ADAM29: variants seen among roughly 807,000 people sequenced by gnomAD.
The protein encoded by ADAM29 is disintegrin and metalloproteinase domain-containing protein 29.
For synonymous variants in ADAM29, 367 were observed against 342.3 expected, an observed-to-expected ratio of 1.07 and a Z score of -0.80; for missense variants, 969 against 1,001.8, an observed-to-expected ratio of 0.97 and a Z score of 0.44.
intron 4 of ADAM29, among the ~76,000 whole-genome samples, chr4:174,950,979 G>A (rs1745140886): frequency 6.6e-6 from 1 of 152,016 alleles, no homozygotes; most frequent in South Asian, 2.1e-4. Context: ...AGTTTCCTGA[G>A]GCCTCCCAGC....
At position 174,977,696 on chromosome 4, in the gene ADAM29, G is replaced by T. The variant is rs150256322; in HGVS notation, c.2171G>T (p.Arg724Leu). Residue 724 changes from arginine (R) to leucine (L), a missense_variant, in exon 5 of 5, where the codon CGA (arginine) becomes CTA (leucine). Transcript: ENST00000359240. ...SAKEEEKIQR[R>L]PHELPPQSQP... is the part of the protein sequence containing the mutation. Reference sequence around the variant, plus strand: ...AAAGAAGAGGAAAAAATTCAGCGTCGACCTCATGAGTTACCTCCCCAGAGT... The same window carrying T: ...AAAGAAGAGGAAAAAATTCAGCGTCTACCTCATGAGTTACCTCCCCAGAGT... 1 of 1,614,190 alleles carries T rather than the reference G, an allele frequency of 6.2e-7. No homozygotes were observed. The highest frequency in any genetic ancestry group is 1.1e-5 in the South Asian group (1 of 91,078).
chr4:174,942,351 T>C (rs1744586537), intron 4 of ADAM29, among the ~76,000 whole-genome samples: 1 of 152,210 alleles, frequency 6.6e-6, no homozygotes, highest in Admixed American at 6.5e-5. Flanking sequence ...ATAGAGGTTC[T>C]CCATGCAGGC....
In ADAM29 at chr4:174,963,226, G is replaced by T. The variant is rs908521208; in HGVS notation, c.-180-12120G>T. Among the ~76,000 whole-genome samples the T allele has an allele frequency of 3.3e-5, 5 of 151,948 alleles. No individual in the cohort carries two copies. In the South Asian group the frequency reaches 1.0e-3, roughly 32 times the overall value. ...AAATGGATGGCTAACAGGGTGAGGG[G>T]GACAAATCTGGACTGTAAGAAAGTT... On this transcript the variant is annotated intron_variant, in intron 4 of 4. Transcript: ENST00000359240.
At position 174,973,128 on chromosome 4, in the gene ADAM29, T is replaced by TG. The variant is rs200027892; in HGVS notation, c.-180-2211dup. Among the ~76,000 whole-genome samples the TG allele has an allele frequency of 3.7e-3, 561 of 152,236 alleles. 4 individuals are homozygous for TG. The highest frequency in any genetic ancestry group is 0.017 in the Middle Eastern group (5 of 294). On this transcript the variant is annotated intron_variant, in intron 4 of 4. Coordinates refer to ENST00000359240, the MANE Select transcript of ADAM29 (RefSeq NM_014269.4). ...TACTGTATGCCAAGAAGTTGGGTTA[T>TG]GGGGGGGCAGGGTCTGTGGCATCCA...
rs757009032 is a variant in ADAM29, at chr4:174,976,994, G to A, written c.1469G>A (p.Arg490Lys). ...GAAGATGGAATTCCCTGTAAGGAGA[G>A]GGGCTACTGCTATGAAAAGAGCTGT... is the stretch of plus-strand genomic sequence containing the variant. ...YVEDGIPCKE[R>K]GYCYEKSCHD... Residue 490 changes from arginine (R) to lysine (K), a missense_variant, in exon 5 of 5, where the codon AGG becomes AAG. Arg to Lys is a conservative substitution (Grantham distance 26, BLOSUM62 2). Coordinates refer to ENST00000359240, the MANE Select transcript of ADAM29 (RefSeq NM_014269.4). The A allele has an allele frequency of 3.1e-6, 5 of 1,614,122 alleles. No homozygotes were observed. Among genetic ancestry groups the A allele is most frequent in the East Asian group, 4.5e-5 (2 of 44,872 alleles).
chr4:174,967,041 C>T (rs1330738042), intron 4 of ADAM29, among the ~76,000 whole-genome samples: 1 of 152,078 alleles, frequency 6.6e-6, no homozygotes, highest in Admixed American at 6.5e-5. Flanking sequence ...TGCTAGCTTT[C>T]ATTTGTATGA....
rs1746838856 is a variant in ADAM29 at position 174,976,763 on chromosome 4, G to A, written c.1238G>A (p.Cys413Tyr). Residue 413 changes from cysteine to tyrosine, a missense_variant, in exon 5 of 5, where the codon TGT becomes TAT. Physicochemically the swap from Cys to Tyr is radical, Grantham distance 194 (BLOSUM62 -2). Coordinates refer to ENST00000359240, the MANE Select transcript of ADAM29 (RefSeq NM_014269.4). The stretch of plus-strand genomic sequence containing the variant: ...GTTGAAGAAGGAGAAGAGTGTGACT[G>A]TGGACCTTTAAAGCATTGTGCAAAA... ...GVVEEGEECDCGPLKHCAKDP... is the reference protein window; with the variant it reads ...GVVEEGEECDYGPLKHCAKDP... 6.2e-7 allele frequency: 1 copy of A among 1,613,984 alleles called. No individual in the cohort carries two copies. The highest frequency in any genetic ancestry group is 1.1e-5 in the South Asian group (1 of 91,076).
chr4:174,963,690 A>AT (rs5864300), intron 4 of ADAM29, among the ~76,000 whole-genome samples: 9 of 150,362 alleles, frequency 6.0e-5, no homozygotes, highest in African/African-American at 2.0e-4. Context: ...AGGTTTTTTT[A>AT]TTTTTTTTCT....
chr4:174,960,589 T>G (rs1745755323), intron 4 of ADAM29, among the ~76,000 whole-genome samples: 1 of 152,166 alleles, frequency 6.6e-6, no homozygotes, highest in South Asian at 2.1e-4. Flanking sequence ...ATTTACATCT[T>G]TAGTAGTTTT....
chr4:174,966,884 A>G (rs1746188670), intron 4 of ADAM29, among the ~76,000 whole-genome samples: 1 of 152,218 alleles, frequency 6.6e-6, no homozygotes, highest in Admixed American at 6.5e-5. Context: ...ATAGAAATCC[A>G]AGAGCTTTCC....
At chr4:174,966,346 A>G (rs1377694842) in intron 4 of ADAM29, among the ~76,000 whole-genome samples, 1 of 152,204 alleles carries the variant, frequency 6.6e-6, no homozygotes, top group Non-Finnish European at 1.5e-5. Flanking sequence ...TCAACTCTGA[A>G]GTCTAAAATT....
intron 2 of ADAM29, among the ~76,000 whole-genome samples, chr4:174,922,280 C>T (rs1743207096): frequency 6.6e-6 from 1 of 152,252 alleles, no homozygotes; most frequent in East Asian, 1.9e-4. Flanking sequence ...ATGTTACATA[C>T]ACTCTTTCAA....
chr4:174,922,370 T>G (rs1372582601), intron 2 of ADAM29, among the ~76,000 whole-genome samples: 1 of 152,182 alleles, frequency 6.6e-6, no homozygotes, highest in Middle Eastern at 3.2e-3. Flanking sequence ...GAGCAAATCA[T>G]CATCCTGAAA....
intron 4 of ADAM29, among the ~76,000 whole-genome samples, chr4:174,967,321 TTTATTA>T (rs60692550): frequency 0.19 from 28,157 of 151,878 alleles, 3,146 homozygotes; most frequent in East Asian, 0.3. Flanking sequence ...ATCTCTTCAT[TTTATTA>T]TTATTATTAC....
chr4:174,933,907 T>C lies in ADAM29; in HGVS notation c.-262+2733T>C, dbSNP rs555332542. On this transcript the variant is annotated intron_variant, in intron 3 of 4. Coordinates refer to ENST00000359240, the MANE Select transcript of ADAM29 (RefSeq NM_014269.4). Reference sequence around the variant, plus strand: ...GGCATTTAGGTTAATTCTGTGTCTCTACTATTGTGAATAGCGCTGCAATGA... The same window carrying C: ...GGCATTTAGGTTAATTCTGTGTCTCCACTATTGTGAATAGCGCTGCAATGA... Among the ~76,000 whole-genome samples the C allele has an allele frequency of 3.9e-5, 6 of 152,340 alleles. No individual in the cohort carries two copies. In the East Asian group the frequency reaches 1.2e-3, roughly 29 times the overall value.
intron 4 of ADAM29, among the ~76,000 whole-genome samples, chr4:174,942,412 C>T (rs1273431685): frequency 6.6e-6 from 1 of 152,242 alleles, no homozygotes; most frequent in Non-Finnish European, 1.5e-5. Flanking sequence ...TTCCATACAT[C>T]ATTTGAAATC....
intron 4 of ADAM29, among the ~76,000 whole-genome samples, chr4:174,960,825 T>G (rs778019532): frequency 6.6e-6 from 1 of 152,198 alleles, no homozygotes; most frequent in African/African-American, 2.4e-5. Context: ...GTGTAACTTA[T>G]ACTATGTGCA....
chr4:174,939,114 T>C (rs1381585355), intron 4 of ADAM29, among the ~76,000 whole-genome samples: 1 of 152,152 alleles, frequency 6.6e-6, no homozygotes, highest in Non-Finnish European at 1.5e-5. Context: ...AAAGAGTCTT[T>C]CTGCAAAGAG....
rs558291078 is a variant in ADAM29, at chr4:174,962,794, CTT to C, written c.-180-12550_-180-12549del. Among the ~76,000 whole-genome samples, 895 of 151,974 alleles carry C rather than the reference CTT, an allele frequency of 5.9e-3. 10 individuals are homozygous for C. Among genetic ancestry groups the C allele is most frequent in the Non-Finnish European group, 4.8e-3 (329 of 67,950 alleles). On this transcript the variant is annotated intron_variant, in intron 4 of 4. Coordinates refer to ENST00000359240, the MANE Select transcript of ADAM29 (RefSeq NM_014269.4). The stretch of plus-strand genomic sequence containing the variant: ...AAAATAAATTTGAAAGAAAAAAAAA[CTT>C]TGAATTACTTGATTCAACATTTGTT...
Sources: allele counts gnomAD v4.1 joint callset (sites outside exome capture counted in the v4.1 genomes callset), GRCh38; gene constraint gnomAD v4.1.1; transcripts MANE v1.5; gene names NCBI Gene and HGNC (gene_info 2026-07-23, HGNC 2026-07-21).